PDE4D: variants seen among roughly 807,000 people sequenced by gnomAD.
The protein encoded by PDE4D is 3',5'-cyclic-AMP phosphodiesterase 4D.
In PDE4D, 24 loss-of-function variants were observed where a neutral mutation model predicts 87.4. That is an observed-to-expected ratio of 0.27 (90% CI 0.20 to 0.39). The LOEUF (loss-of-function observed/expected upper bound fraction) is 0.39, where lower values mean the gene tolerates loss of function less well. Ranked by LOEUF, PDE4D falls within the 10% of genes least tolerant of loss-of-function variation. The pLI is 1.00. For missense variants in PDE4D, 714 were observed against 1,041.0 expected (o/e 0.69, Z 4.32); for synonymous variants, 384 against 383.2 (o/e 1.00, Z -0.02).
At chr5:59,468,899 T>G (rs997229097) in intron 1 of PDE4D, among the ~76,000 whole-genome samples, 1 of 152,204 alleles carries the variant, frequency 6.6e-6, no homozygotes, top group African/African-American at 2.4e-5. Context: ...CAGACACTGG[T>G]GGCTCATGAG....
chr5:59,415,196 G>A (rs1793397054), intron 1 of PDE4D, among the ~76,000 whole-genome samples: 1 of 152,138 alleles, frequency 6.6e-6, no homozygotes, highest in Non-Finnish European at 1.5e-5. Flanking sequence ...AGCTGATGAG[G>A]GAGAGGAGGA....
intron 1 of PDE4D, among the ~76,000 whole-genome samples, chr5:60,262,208 A>G (rs941979028): frequency 3.3e-5 from 5 of 152,174 alleles, no homozygotes; most frequent in African/African-American, 9.6e-5. Context: ...TGGTTAGTCA[A>G]CTACACCTGA....
intron 1 of PDE4D, among the ~76,000 whole-genome samples, chr5:59,838,995 C>A (rs1463185358): frequency 1.2e-4 from 18 of 151,816 alleles, no homozygotes; most frequent in Admixed American, 1.2e-3. Context: ...AGAATACCTG[C>A]TGATAGGGAA....
intron 5 of PDE4D, among the ~76,000 whole-genome samples, chr5:59,100,847 T>G (rs1320308974): frequency 1.3e-5 from 2 of 152,204 alleles, no homozygotes; most frequent in Non-Finnish European, 2.9e-5. Flanking sequence ...ATAGGAAATC[T>G]AATATCTCTC....
rs190003796 is a variant in PDE4D at position 59,938,303 on chromosome 5, T to C, written c.272+50185A>G. Among the ~76,000 whole-genome samples, 313 of 152,258 alleles carry C rather than the reference T, an allele frequency of 2.1e-3. 3 individuals are homozygous for C. Among genetic ancestry groups the C allele is most frequent in the African/African-American group, 7.3e-3 (303 of 41,550 alleles). On this transcript the variant is annotated intron_variant, in intron 3 of 16. Coordinates refer to the PDE4D transcript ENST00000502484. Reference sequence around the variant, plus strand: ...CAATTAAAGGTGAAATTAAGGAAGCTCAGTTCACACACTTGCAGGGACACT... The same window carrying C: ...CAATTAAAGGTGAAATTAAGGAAGCCCAGTTCACACACTTGCAGGGACACT...
intron 1 of PDE4D, among the ~76,000 whole-genome samples, chr5:59,742,609 G>T (rs1759024734): frequency 6.6e-6 from 1 of 152,154 alleles, no homozygotes; most frequent in Admixed American, 6.5e-5. Flanking sequence ...AGCATTATGT[G>T]ATGTAGGCAC....
intron 5 of PDE4D, among the ~76,000 whole-genome samples, chr5:59,176,125 T>C (rs1358716290): frequency 2.0e-5 from 3 of 152,218 alleles, no homozygotes; most frequent in African/African-American, 4.8e-5. Context: ...CTTTTATAAA[T>C]GCAAACTTCA....
chr5:59,617,913 T>C (rs980657848), intron 1 of PDE4D, among the ~76,000 whole-genome samples: 10 of 152,312 alleles, frequency 6.6e-5, no homozygotes, highest in African/African-American at 1.9e-4. Flanking sequence ...TTTCACTAAG[T>C]AGTGGCCTCT....
At chr5:59,595,331 T>C (rs949206013) in intron 1 of PDE4D, among the ~76,000 whole-genome samples, 9 of 152,150 alleles carry the variant, frequency 5.9e-5, no homozygotes, top group African/African-American at 2.2e-4. Context: ...CATTATTTCA[T>C]TTAGGAAACC....
At chr5:59,445,706 T>C (rs1798246218) in intron 1 of PDE4D, among the ~76,000 whole-genome samples, 1 of 152,208 alleles carries the variant, frequency 6.6e-6, no homozygotes, top group African/African-American at 2.4e-5. Flanking sequence ...TAGCAGAAAT[T>C]CATAGTCTGG....
At chr5:60,262,343 T>C (rs1392281458) in intron 1 of PDE4D, 1 of 152,188 alleles carries the variant, frequency 6.6e-6, no homozygotes, top group African/African-American at 2.4e-5. Context: ...ACACAGCTTT[T>C]AAGAACAGAA....
intron 1 of PDE4D, chr5:59,592,286 G>T (rs1349248718): frequency 8.0e-6 from 2 of 250,306 alleles, no homozygotes; most frequent in African/African-American, 4.6e-5. Flanking sequence ...AAGTCTGAAG[G>T]CATGCTGTTC....
At chr5:60,035,437 G>T (rs1047802743) in intron 2 of PDE4D, among the ~76,000 whole-genome samples, 1 of 152,110 alleles carries the variant, frequency 6.6e-6, no homozygotes, top group Non-Finnish European at 1.5e-5. Context: ...AAGGCTCAAA[G>T]AAGTTAAATA....
At chr5:59,228,624 A>G (rs930823115) in intron 1 of PDE4D, among the ~76,000 whole-genome samples, 2 of 152,138 alleles carry the variant, frequency 1.3e-5, no homozygotes. Context: ...TTTATTCTTT[A>G]TATTGCAGAC....
chr5:59,472,053 A>G (rs959134944), intron 1 of PDE4D, among the ~76,000 whole-genome samples: 3 of 152,204 alleles, frequency 2.0e-5, no homozygotes, highest in Non-Finnish European at 4.4e-5. Context: ...AAAAACACAG[A>G]GAAAGAGAAG....
At chr5:59,799,723 T>C (rs2152663220) in intron 1 of PDE4D, among the ~76,000 whole-genome samples, 1 of 152,274 alleles carries the variant, frequency 6.6e-6, no homozygotes, top group Non-Finnish European at 1.5e-5. Context: ...AGAGAAGACA[T>C]CTATTGGATT....
intron 3 of PDE4D, among the ~76,000 whole-genome samples, chr5:59,960,711 G>A (rs929484212): frequency 6.6e-6 from 1 of 152,026 alleles, no homozygotes; most frequent in Non-Finnish European, 1.5e-5. Context: ...CAAAAAGAGG[G>A]GAGGGAGAGA....
At chr5:59,365,544 T>C (rs1442307683) in intron 1 of PDE4D, among the ~76,000 whole-genome samples, 4 of 152,166 alleles carry the variant, frequency 2.6e-5, no homozygotes, top group Non-Finnish European at 5.9e-5. Flanking sequence ...ATGAGTTATT[T>C]TTGGTGAAAC....
chr5:60,330,472 G>C (rs1757221975), intron 1 of PDE4D, among the ~76,000 whole-genome samples: 1 of 152,164 alleles, frequency 6.6e-6, no homozygotes, highest in Non-Finnish European at 1.5e-5. Context: ...GCAGAGAATG[G>C]TCTTGGCATC....
Sources: allele counts gnomAD v4.1 joint callset (sites outside exome capture counted in the v4.1 genomes callset), GRCh38; gene constraint gnomAD v4.1.1; transcripts MANE v1.5; gene names NCBI Gene and HGNC (gene_info 2026-07-23, HGNC 2026-07-21).